The following CAND2 variants were observed in gnomAD, a reference collection of about 807,000 sequenced individuals.
The protein encoded by CAND2 is cullin-associated NEDD8-dissociated protein 2.
CAND2 carries 62 observed loss-of-function variants against 98.9 expected under a neutral mutation model. That is an observed-to-expected ratio of 0.63 (90% CI 0.51 to 0.77). The LOEUF (loss-of-function observed/expected upper bound fraction) is 0.77, where lower values mean the gene tolerates loss of function less well. Among genes scored for constraint, CAND2 ranks in the 30% least tolerant of loss-of-function variants. The pLI, the probability that CAND2 is intolerant of heterozygous loss-of-function variation, is 0.00. For missense variants in CAND2, 1,501 were observed against 1,655.2 expected, an observed-to-expected ratio of 0.91 and a Z score of 1.62; for synonymous variants, 770 against 731.9, an observed-to-expected ratio of 1.05 and a Z score of -0.84.
intron 10 of CAND2, among the ~76,000 whole-genome samples, chr3:12,819,858 G>A (rs1384488517): frequency 6.6e-6 from 1 of 152,208 alleles, no homozygotes; most frequent in Non-Finnish European, 1.5e-5. Context: ...TGCAGCCTGT[G>A]GTGTTACCTG....
At chr3:12,809,898 A>G in intron 4 of CAND2, 161 bp from the exon 5 acceptor site, 1 of 765,414 alleles carries the variant, frequency 1.3e-6, no homozygotes, top group Non-Finnish European at 1.9e-6. Context: ...AAAAGTAATT[A>G]AAATAATTCC....
chr3:12,825,720 CA>C (rs2061994227), intron 12 of CAND2, 81 bp downstream of exon 12: 1 of 1,429,128 alleles, frequency 7.0e-7, no homozygotes, highest in Admixed American at 2.1e-5. Flanking sequence ...ATTATTATCT[CA>C]TCAGAGCAGG....
At chr3:12,826,891 C>T (rs1030853162) in intron 12 of CAND2, among the ~76,000 whole-genome samples, 10 of 146,414 alleles carry the variant, frequency 6.8e-5, no homozygotes, top group African/African-American at 1.0e-4. Flanking sequence ...AGTGCAGTGG[C>T]GCGATCTCAG....
At chr3:12,829,398 C>T (rs1182828740) in intron 13 of CAND2, among the ~76,000 whole-genome samples, 4 of 152,176 alleles carry the variant, frequency 2.6e-5, no homozygotes, top group African/African-American at 7.2e-5. Flanking sequence ...CCACCCACCT[C>T]GGCCTCCCAA....
At position 12,831,153 on chromosome 3, in the gene CAND2, C is replaced by T. The variant is rs932926985; in HGVS notation, c.3376-312C>T. Among the ~76,000 whole-genome samples the T allele has an allele frequency of 2.0e-5, 3 of 152,198 alleles. No individual in the cohort carries two copies. The South Asian group carries it at 6.2e-4, about 32-fold the overall frequency. ...GTTTGCACTCCCACCTGGCCACACT[C>T]AGCCAGAGCTGCCCCAGCAGCCCCC... On this transcript the variant is annotated intron_variant, in intron 13 of 14. Coordinates refer to ENST00000456430, the MANE Select transcript of CAND2 (RefSeq NM_001162499.2).
chr3:12,813,052 C>T lies in CAND2; in HGVS notation c.820C>T (p.Leu274Phe), dbSNP rs1443534278. Residue 274 changes from leucine (L) to phenylalanine (F), a missense_variant, in exon 6 of 15, where the codon CTC (leucine) becomes TTC (phenylalanine). By Grantham distance (22) the Leu-to-Phe change is conservative. Around this residue, in one of 3 missense-constraint regions of CAND2, gnomAD observed 1,427 missense variants for 1,545.3 expected, o/e 0.92. Coordinates refer to ENST00000456430, the MANE Select transcript of CAND2 (RefSeq NM_001162499.2). ...TTTCTGCAACCTGGATGATGATGAG[C>T]TCCGGGAGTCCTGCCTCCAGGCTTT... ...EDFCNLDDDELRESCLQAFEA... is the reference protein window; with the variant it reads ...EDFCNLDDDEFRESCLQAFEA... 6.3e-7 allele frequency: 1 copy of T among 1,583,912 alleles called. No homozygotes were observed. The highest frequency in any genetic ancestry group is 1.3e-5 in the African/African-American group (1 of 74,870).
In CAND2 at chr3:12,816,702, G is replaced by C. The variant is rs745389970; in HGVS notation, c.1770G>C (p.Arg590=). ...ATDLDQEVKE[R]AISCMGHLVG... ...ACCTGGACCAGGAGGTGAAGGAGCG[G>C]GCCATTTCCTGCATGGGCCACCTTG... Residue 590 remains arginine, a synonymous_variant, in exon 10 of 15, where the codon CGG becomes CGC. Coordinates refer to ENST00000456430, the MANE Select transcript of CAND2 (RefSeq NM_001162499.2). 4 of 1,613,554 alleles carry C rather than the reference G, an allele frequency of 2.5e-6. No individual in the cohort carries two copies. Among genetic ancestry groups the C allele is most frequent in the Non-Finnish European group, 3.4e-6 (4 of 1,180,038 alleles).
chr3:12,819,732 T>A (rs2048216699), intron 10 of CAND2, among the ~76,000 whole-genome samples: 1 of 152,180 alleles, frequency 6.6e-6, no homozygotes, highest in Admixed American at 6.5e-5. Flanking sequence ...TAATACTACT[T>A]TATTATTAAT....
At position 12,820,137 on chromosome 3, in the gene CAND2, C is replaced by G. The variant is rs201649898; in HGVS notation, c.2996C>G (p.Ser999Trp). The G allele has an allele frequency of 6.2e-7, 1 of 1,614,190 alleles. No individual in the cohort carries two copies. The highest frequency in any genetic ancestry group is 8.5e-7 in the Non-Finnish European group (1 of 1,180,022). ...TVITAVKFLI[S>W]DQPHPIDPLL... ...ATCACAGCGGTCAAGTTCCTTATCTCGGACCAGCCCCATCCCATTGACCCC... is the reference window on the plus strand; with the variant it reads ...ATCACAGCGGTCAAGTTCCTTATCTGGGACCAGCCCCATCCCATTGACCCC... Residue 999 changes from serine (S) to tryptophan (W), a missense_variant, in exon 11 of 15, where the codon TCG (serine) becomes TGG (tryptophan). By Grantham distance (177) the Ser-to-Trp change is radical. This residue lies in a region of CAND2 where 1,427 missense variants were observed against 1,545.3 expected (regional missense o/e 0.92). Coordinates refer to ENST00000456430, the MANE Select transcript of CAND2 (RefSeq NM_001162499.2).
intron 11 of CAND2, among the ~76,000 whole-genome samples, chr3:12,824,141 T>TA (rs942768396): frequency 6.6e-6 from 1 of 151,702 alleles, no homozygotes; most frequent in African/African-American, 2.4e-5. Flanking sequence ...CCCCCATCTC[T>TA]AAAAAAATTT....
chr3:12,803,718 C>A (rs2061784176), intron 2 of CAND2, 87 bp downstream of exon 2: 1 of 1,259,894 alleles, frequency 7.9e-7, no homozygotes, highest in Non-Finnish European at 1.1e-6. Context: ...GGGGTACAGC[C>A]TCGCAGAGGA....
chr3:12,810,541 C>T (rs1302455601), intron 5 of CAND2, among the ~76,000 whole-genome samples: 4 of 152,128 alleles, frequency 2.6e-5, no homozygotes, highest in Non-Finnish European at 4.4e-5. Flanking sequence ...AGGTTGGGGC[C>T]GGATAGGGCT....
At position 12,806,816 on chromosome 3, in the gene CAND2, T is replaced by C. The variant is rs138806491; in HGVS notation, c.213-490T>C. ...ATCCTGAACAAGCTCCCGAGTGGCA[T>C]TGCCAATGCTAACTCACCACCAAAC... On this transcript the variant is annotated intron_variant, in intron 2 of 14. Transcript: ENST00000456430. 4.0e-3 allele frequency among the ~76,000 whole-genome samples: 608 copies of C among 152,296 alleles called. 6 individuals carry two copies. Among genetic ancestry groups the C allele is most frequent in the African/African-American group, 0.014 (588 of 41,560 alleles).
At position 12,815,878 on chromosome 3, in the gene CAND2, G is replaced by A. The variant is rs755617284; in HGVS notation, c.1311G>A (p.Val437=). 6.8e-5 allele frequency: 110 copies of A among 1,613,548 alleles called. No individual in the cohort carries two copies. The highest frequency in any genetic ancestry group is 9.0e-5 in the Non-Finnish European group (106 of 1,179,886). Residue 437 remains valine (V), a synonymous_variant, in exon 9 of 15, where the codon GTG becomes GTA. Coordinates refer to ENST00000456430, the MANE Select transcript of CAND2 (RefSeq NM_001162499.2). This position sits in a 1 kb window ranked among gnomAD's most constrained non-coding sequence, Gnocchi z 5.7. Reference sequence around the variant, plus strand: ...CCTCCTGCCCACAGGTGCCCCTTGTGGTCAAGGCCCTGCAGCGGCAGCTTA... The same window carrying A: ...CCTCCTGCCCACAGGTGCCCCTTGTAGTCAAGGCCCTGCAGCGGCAGCTTA... ...LHMLRGQVPL[V]VKALQRQLKD...
chr3:12,816,182 T>C (rs1031511528), intron 9 of CAND2, among the ~76,000 whole-genome samples, 174 bp downstream of exon 9: 8 of 152,058 alleles, frequency 5.3e-5, no homozygotes, highest in African/African-American at 1.7e-4. Flanking sequence ...CAAGGCTGGC[T>C]CCAGTGAGTT....
rs374723704 is a variant in CAND2, at chr3:12,834,027, C to T, written c.*45C>T. 9.1e-6 allele frequency: 14 copies of T among 1,534,246 alleles called. No individual in the cohort carries two copies. The highest frequency in any genetic ancestry group is 1.3e-5 in the Non-Finnish European group (14 of 1,110,454). ...GGCCCTCGCTTAAGAGAAAGGAGCC[C>T]ACCCAAGTCCGAGGCCTCCCCATCC... On this transcript the variant is annotated 3_prime_UTR_variant, in exon 15 of 15. Transcript: ENST00000456430.
rs1388169234 is a variant in CAND2 at position 12,815,443 on chromosome 3, C to G, written c.1299+10C>G. On this transcript the variant is annotated intron_variant, in intron 8 of 14. Transcript: ENST00000456430. This position sits in a 1 kb window ranked among gnomAD's most constrained non-coding sequence, Gnocchi z 5.7. ...TATGCTACGTGGACAGGTGGGCGTG[C>G]CTTCACCTCCACCCCTACCCCCGAT... 6.2e-7 allele frequency: 1 copy of G among 1,600,330 alleles called. No homozygotes were observed. Among genetic ancestry groups the G allele is most frequent in the Non-Finnish European group, 8.5e-7 (1 of 1,170,552 alleles).
Position 12,828,394 on chromosome 3 carries a change from GT to G in CAND2, c.3375+791del, listed in dbSNP as rs1337069015. The stretch of plus-strand genomic sequence containing the variant: ...GCACTGTCACTCAGGCTGGAGTGCA[GT>G]GGCTTGATCTCAGCTGACTGCAACC... On this transcript the variant is annotated intron_variant, in intron 13 of 14. Transcript: ENST00000456430. Among the ~76,000 whole-genome samples the G allele has an allele frequency of 4.8e-5, 7 of 145,886 alleles. No homozygotes were observed. In the East Asian group the frequency reaches 1.4e-3, roughly 29 times the overall value.
In CAND2 at chr3:12,796,797, C is replaced by G. The variant is rs2061728913; in HGVS notation, c.68+9C>G. 6.4e-7 allele frequency: 1 copy of G among 1,569,880 alleles called. No individual in the cohort carries two copies. Among genetic ancestry groups the G allele is most frequent in the Non-Finnish European group, 8.6e-7 (1 of 1,156,176 alleles). ...AGCGACAAGGACTTCAGGTGCAGCC[C>G]GCCGCCGGCCCCCTTCTCTCCTTCC... is the stretch of plus-strand genomic sequence containing the variant. On this transcript the variant is annotated intron_variant, in intron 1 of 14. Coordinates refer to ENST00000456430, the MANE Select transcript of CAND2 (RefSeq NM_001162499.2).
Sources: allele counts gnomAD v4.1 joint callset (sites outside exome capture counted in the v4.1 genomes callset), GRCh38; gene constraint gnomAD v4.1.1; regional missense constraint gnomAD v4.1.1; non-coding constraint Gnocchi (gnomAD v3.1); transcripts MANE v1.5; gene names NCBI Gene and HGNC (gene_info 2026-07-23, HGNC 2026-07-21).